The following TCF20 variants were observed in gnomAD, a reference collection of about 807,000 sequenced individuals.
TCF20 encodes the protein SPRE-binding protein.
A neutral mutation model predicts 148.6 loss-of-function variants in TCF20; 3 were observed. That is an observed-to-expected ratio of 0.02 (90% CI 0.01 to 0.05). The LOEUF is 0.05. TCF20 is among the 10% of genes least tolerant of loss of function. TCF20 has a pLI of 1.00. For synonymous variants in TCF20, 1,049 were observed against 909.5 expected (o/e 1.15, Z -2.76); for missense variants, 2,350 against 2,429.3 (o/e 0.97, Z 0.69).
intron 1 of TCF20, among the ~76,000 whole-genome samples, chr22:42,229,051 A>C (rs1043765752): frequency 2.6e-5 from 4 of 152,180 alleles, no homozygotes; most frequent in African/African-American, 7.2e-5. Flanking sequence ...CTAGAGGCTA[A>C]CTTGGAGTGA....
rs369660527 is a variant in TCF20, at chr22:42,342,314, G to A, written c.-37+1165C>T. Among the ~76,000 whole-genome samples, 22 of 152,294 alleles carry A rather than the reference G, an allele frequency of 1.4e-4. 1 individual carries two copies. The South Asian group carries it at 4.1e-3, about 29-fold the overall frequency. ...GACGGGAGGGCTGACTGGATGGACAGGCAGGTAGGAAGGCCACAGGCCTGG... is the reference window on the plus strand; with the variant it reads ...GACGGGAGGGCTGACTGGATGGACAAGCAGGTAGGAAGGCCACAGGCCTGG... On this transcript the variant is annotated intron_variant, in intron 1 of 1. Coordinates refer to the TCF20 transcript ENST00000515426.
chr22:42,243,310 A>AAAACAAAAAAAAAAAAAAAAC (rs1924617225), intron 1 of TCF20, among the ~76,000 whole-genome samples: 2 of 140,864 alleles, frequency 1.4e-5, no homozygotes, highest in African/African-American at 6.1e-5. Context: ...AAAAAAAAAA[A>AAAACAAAAAAAAAAAAAAAAC]AAAAAAAAAA....
intron 1 of TCF20, among the ~76,000 whole-genome samples, chr22:42,239,829 A>G (rs1182950696): frequency 6.6e-6 from 1 of 152,244 alleles, no homozygotes; most frequent in East Asian, 1.9e-4. Context: ...AATGTTTAAA[A>G]TATTGGGAGA....
chr22:42,243,539 T>C (rs538475631), intron 1 of TCF20, among the ~76,000 whole-genome samples: 144 of 151,830 alleles, frequency 9.5e-4, no homozygotes, highest in African/African-American at 3.3e-3. Flanking sequence ...GAGGTGGAGG[T>C]TGCAGTGAGC....
chr22:42,283,316 G>A (rs1265189054), intron 1 of TCF20, among the ~76,000 whole-genome samples: 1 of 152,014 alleles, frequency 6.6e-6, no homozygotes, highest in Non-Finnish European at 1.5e-5. Flanking sequence ...GGAGCAGCCA[G>A]CCCCAACCCC....
intron 2 of TCF20, among the ~76,000 whole-genome samples, chr22:42,190,752 T>C (rs1368754682): frequency 6.6e-6 from 1 of 151,286 alleles, no homozygotes; most frequent in Non-Finnish European, 1.5e-5. Flanking sequence ...AACCACTTAT[T>C]CCCCACCCTC....
upstream of TCF20, among the ~76,000 whole-genome samples, chr22:42,286,551 T>C (rs134898): frequency 0.75 from 113,560 of 152,090 alleles, 42,800 homozygotes; most frequent in African/African-American, 0.82. Flanking sequence ...ACAATGGCCT[T>C]TCTAAGCAAG....
At chr22:42,187,321 T>A in intron 2 of TCF20, among the ~76,000 whole-genome samples, 1 of 152,242 alleles carries the variant, frequency 6.6e-6, no homozygotes. Flanking sequence ...TCAAGCATAA[T>A]TTGAAATAAA....
chr22:42,219,451 A>ACTGT (rs1448635209), intron 1 of TCF20, among the ~76,000 whole-genome samples: 1 of 151,222 alleles, frequency 6.6e-6, no homozygotes, highest in Non-Finnish European at 1.5e-5. Context: ...GTTTTAAAGC[A>ACTGT]CTGTGATTAG....
In TCF20 at chr22:42,177,905, G is replaced by A. The variant is rs551200039; in HGVS notation, c.5749+1704C>T. ...GGATAGGAGCACTTTTTGTTCTAAG[G>A]CTACTCTTGGTGGTTCCTGGATGGG... On this transcript the variant is annotated intron_variant, in intron 3 of 5. Coordinates refer to ENST00000677622, the MANE Select transcript of TCF20 (RefSeq NM_001378418.1). 2.0e-5 allele frequency among the ~76,000 whole-genome samples: 3 copies of A among 152,174 alleles called. No homozygotes were observed. The South Asian group carries it at 6.2e-4, about 32-fold the overall frequency.
chr22:42,327,497 C>G (rs1036646461), intron 1 of TCF20, among the ~76,000 whole-genome samples: 2 of 152,144 alleles, frequency 1.3e-5, no homozygotes, highest in Non-Finnish European at 2.9e-5. Flanking sequence ...GGAAATGGGA[C>G]AGGAGACACG....
chr22:42,240,860 T>C (rs535665515), intron 1 of TCF20, among the ~76,000 whole-genome samples: 1 of 152,024 alleles, frequency 6.6e-6, no homozygotes, highest in Non-Finnish European at 1.5e-5. Context: ...TCTTCAACTT[T>C]TTTTTTTTTC....
intron 1 of TCF20, among the ~76,000 whole-genome samples, chr22:42,343,194 G>C (rs1300056585): frequency 6.6e-5 from 10 of 152,130 alleles, no homozygotes; most frequent in Non-Finnish European, 2.9e-5. Context: ...TTGCTAGCCG[G>C]GGACCTTGAG....
chr22:42,244,942 G>A (rs563290637), intron 1 of TCF20, among the ~76,000 whole-genome samples: 4 of 152,092 alleles, frequency 2.6e-5, no homozygotes, highest in East Asian at 3.9e-4. Flanking sequence ...AATCAGCTGG[G>A]CATGGTGGTG....
chr22:42,238,128 C>A (rs914037928), intron 1 of TCF20, among the ~76,000 whole-genome samples: 4 of 152,188 alleles, frequency 2.6e-5, no homozygotes, highest in African/African-American at 9.7e-5. Context: ...AATATAGCCA[C>A]CTTCATCAGT....
At chr22:42,230,968 G>A (rs960489603) in intron 1 of TCF20, among the ~76,000 whole-genome samples, 3 of 152,120 alleles carry the variant, frequency 2.0e-5, no homozygotes, top group African/African-American at 7.2e-5. Context: ...AGACCAGCCT[G>A]GCCAACACGG....
intron 3 of TCF20, among the ~76,000 whole-genome samples, chr22:42,177,776 G>T (rs1936535807): frequency 6.6e-6 from 1 of 152,172 alleles, no homozygotes; most frequent in Non-Finnish European, 1.5e-5. Flanking sequence ...TAAAACCCGT[G>T]TAAATTCCTG....
At chr22:42,242,894 G>GA (rs1169244255) in intron 1 of TCF20, among the ~76,000 whole-genome samples, 1 of 151,554 alleles carries the variant, frequency 6.6e-6, no homozygotes, top group Non-Finnish European at 1.5e-5. Context: ...CTCAAAAAAA[G>GA]AAAAAAGACA....
intron 1 of TCF20, among the ~76,000 whole-genome samples, chr22:42,339,984 G>C (rs1245265687): frequency 2.6e-5 from 4 of 152,218 alleles, no homozygotes; most frequent in African/African-American, 9.6e-5. Flanking sequence ...AGCTCCCCCT[G>C]CTCCTGACCT....
Sources: gnomAD v4.1 joint callset for allele counts (sites outside exome capture counted in the v4.1 genomes callset) on GRCh38, gnomAD v4.1.1 for gene constraint, MANE v1.5 for transcripts, NCBI Gene and HGNC (gene_info 2026-07-23, HGNC 2026-07-21) for gene names.